PCDHGA6: variants seen among roughly 807,000 people sequenced by gnomAD.
PCDHGA6 encodes protocadherin gamma-A6.
In PCDHGA6, 41 loss-of-function variants were observed where a neutral mutation model predicts 60.6. That is an observed-to-expected ratio of 0.68 (90% confidence interval 0.53 to 0.88). PCDHGA6 has a LOEUF of 0.88. PCDHGA6 is among the 40% of genes least tolerant of loss of function. The probability of loss-of-function intolerance (pLI) is 0.00; values close to 1 mark genes in which losing one functional copy is unlikely to be tolerated. For synonymous variants in PCDHGA6, 594 were observed against 524.4 expected (o/e 1.13, Z -1.81); for missense variants, 1,312 against 1,203.0 (o/e 1.09, Z -1.34).
chr5:141,421,149 C>T (rs1030911066), intron 1 of PCDHGA6: 1 of 1,086,106 alleles, frequency 9.2e-7, no homozygotes, highest in Non-Finnish European at 1.3e-6. Context: ...ATGTAGTCGG[C>T]CTAGGACTTC....
At chr5:141,500,436 C>G (rs1318326111) in intron 2 of PCDHGA6, among the ~76,000 whole-genome samples, 2 of 151,836 alleles carry the variant, frequency 1.3e-5, no homozygotes, top group African/African-American at 2.4e-5. Flanking sequence ...GTCTCGATCT[C>G]CTGACCTCGT....
chr5:141,491,508 G>T lies in PCDHGA6; in HGVS notation c.2425-3299G>T. 1 of 1,614,030 alleles carries T rather than the reference G, an allele frequency of 6.2e-7. No homozygotes were observed. Among genetic ancestry groups the T allele is most frequent in the Non-Finnish European group, 8.5e-7 (1 of 1,180,014 alleles). ...ACCTGCAGGTGAGCTCGGACGGCACGCTCAAGTACATGGAGGTGACGCTGC... is the reference window on the plus strand; with the variant it reads ...ACCTGCAGGTGAGCTCGGACGGCACTCTCAAGTACATGGAGGTGACGCTGC... On this transcript the variant is annotated intron_variant, in intron 1 of 3. Transcript: ENST00000517434. The surrounding 1 kb of genome is among the most constrained non-coding windows in gnomAD (Gnocchi z 6.9).
chr5:141,429,583 T>A (rs2097226045), intron 1 of PCDHGA6, among the ~76,000 whole-genome samples: 2 of 152,218 alleles, frequency 1.3e-5, no homozygotes, highest in South Asian at 4.1e-4. Flanking sequence ...TTACTTTTGA[T>A]TCTTGTAATT....
At chr5:141,401,278 G>A (rs1355696847) in intron 1 of PCDHGA6, among the ~76,000 whole-genome samples, 4 of 152,160 alleles carry the variant, frequency 2.6e-5, no homozygotes, top group African/African-American at 9.7e-5. Context: ...GCAGGTGGAG[G>A]TTGCGGTGAG....
chr5:141,421,548 G>A, intron 1 of PCDHGA6: 19 of 1,613,984 alleles, frequency 1.2e-5, no homozygotes, highest in Non-Finnish European at 1.6e-5. Flanking sequence ...TTTTAAATAT[G>A]GAACTTCTCG....
Position 141,389,843 on chromosome 5 carries a change from G to C in PCDHGA6, c.2424+13336G>C, listed in dbSNP as rs372102656. On this transcript the variant is annotated intron_variant, in intron 1 of 3. Coordinates refer to ENST00000517434, the MANE Select transcript of PCDHGA6 (RefSeq NM_018919.3). The stretch of plus-strand genomic sequence containing the variant: ...GTGACGGTGGACAGCCACCACTCTC[G>C]GCCACTGCCACGTTGCACCTGGTCT... 2.4e-5 allele frequency: 39 copies of C among 1,614,016 alleles called. No homozygotes were observed. The African/African-American group carries it at 4.1e-4, about 17-fold the overall frequency.
intron 1 of PCDHGA6, chr5:141,478,712 G>A (rs1160573848): frequency 3.2e-6 from 5 of 1,547,048 alleles, no homozygotes; most frequent in Non-Finnish European, 4.4e-6. Flanking sequence ...TTTGTGAGAT[G>A]GTGGCCTGCC....
At chr5:141,460,453 A>T (rs1487816393) in intron 1 of PCDHGA6, among the ~76,000 whole-genome samples, 3 of 152,152 alleles carry the variant, frequency 2.0e-5, no homozygotes, top group Non-Finnish European at 4.4e-5. Flanking sequence ...ATGAAGATTC[A>T]TATTTTTTTC....
rs115568443 is a variant in PCDHGA6 at position 141,439,423 on chromosome 5, A to G, written c.2425-55384A>G. On this transcript the variant is annotated intron_variant, in intron 1 of 3. Coordinates refer to ENST00000517434, the MANE Select transcript of PCDHGA6 (RefSeq NM_018919.3). ...TGTGCTAACATCACTGAGGTTATAA[A>G]TTCCCAGGAATATTTTATTGCGGGA... 1.0e-2 allele frequency among the ~76,000 whole-genome samples: 1,522 copies of G among 152,306 alleles called. 34 individuals carry two copies. Among genetic ancestry groups the G allele is most frequent in the African/African-American group, 0.034 (1,425 of 41,558 alleles).
At chr5:141,429,925 A>G (rs1009987955) in intron 1 of PCDHGA6, among the ~76,000 whole-genome samples, 5 of 152,244 alleles carry the variant, frequency 3.3e-5, no homozygotes, top group African/African-American at 1.2e-4. Flanking sequence ...TATTAATAGA[A>G]TTCTGGAGTA....
In PCDHGA6 at chr5:141,376,234, G is replaced by A. The variant is rs1426358733; in HGVS notation, c.2151G>A (p.Gln717=). 5.6e-5 allele frequency: 91 copies of A among 1,614,096 alleles called. No individual in the cohort carries two copies. Among genetic ancestry groups the A allele is most frequent in the Non-Finnish European group, 7.5e-5 (88 of 1,180,048 alleles). Residue 717 remains glutamine, a synonymous_variant, in exon 1 of 4, where the codon CAG becomes CAA. Transcript: ENST00000517434. ...FVIVLLALRL[Q]RWHKSRLLQA... ...TCGTGCTGCTGGCGCTCAGACTGCA[G>A]CGCTGGCACAAGTCACGCCTGCTGC... is the stretch of plus-strand genomic sequence containing the variant.
chr5:141,395,646 C>T (rs1174950813), intron 1 of PCDHGA6: 2 of 167,832 alleles, frequency 1.2e-5, no homozygotes, highest in Non-Finnish European at 2.5e-5. Flanking sequence ...TTGTTATTAG[C>T]TTAGCAAAAG....
At chr5:141,426,826 T>C (rs2096963111) in intron 1 of PCDHGA6, 1 of 456,600 alleles carries the variant, frequency 2.2e-6, no homozygotes, top group Admixed American at 2.3e-5. Flanking sequence ...TCTCTGATGA[T>C]GGACAAGACT....
At chr5:141,414,668 A>C in intron 1 of PCDHGA6, 1 of 1,613,856 alleles carries the variant, frequency 6.2e-7, no homozygotes, top group East Asian at 2.2e-5. Context: ...CTGGCTGAAG[A>C]CACCATCCAG....
intron 3 of PCDHGA6, among the ~76,000 whole-genome samples, chr5:141,510,375 G>A (rs980966602): frequency 3.4e-5 from 5 of 148,132 alleles, no homozygotes; most frequent in East Asian, 2.0e-4. Context: ...ATCTCTACTC[G>A]TGCCAGGCCT....
intron 1 of PCDHGA6, chr5:141,399,619 G>T (rs749025661): frequency 1.2e-6 from 2 of 1,613,784 alleles, no homozygotes; most frequent in Non-Finnish European, 1.7e-6. Flanking sequence ...TCTGGCACTG[G>T]CCTCTTACGT....
chr5:141,492,460 G>T (rs2099740851), intron 1 of PCDHGA6, among the ~76,000 whole-genome samples: 1 of 152,218 alleles, frequency 6.6e-6, no homozygotes, highest in African/African-American at 2.4e-5. Flanking sequence ...GCGCGCCTGA[G>T]GGTCCCAGAT....
rs759220286 is a variant in PCDHGA6 at position 141,490,018 on chromosome 5, C to G, written c.2425-4789C>G. The G allele has an allele frequency of 6.2e-7, 1 of 1,614,252 alleles. No individual in the cohort carries two copies. Among genetic ancestry groups the G allele is most frequent in the Non-Finnish European group, 8.5e-7 (1 of 1,180,038 alleles). ...CCCAGAGAATGCACCCATTGGTACTCTGCTGCTCCGCCTCAATGCCACTGA... is the reference window on the plus strand; with the variant it reads ...CCCAGAGAATGCACCCATTGGTACTGTGCTGCTCCGCCTCAATGCCACTGA... On this transcript the variant is annotated intron_variant, in intron 1 of 3. Transcript: ENST00000517434. This position sits in a 1 kb window ranked among gnomAD's most constrained non-coding sequence, Gnocchi z 5.4.
chr5:141,374,304 T>C lies in PCDHGA6; in HGVS notation c.221T>C (p.Leu74Pro), dbSNP rs748378038. The change falls in exon 1 of 4, where the codon CTT (leucine) becomes CCT (proline). Residue 74 changes from leucine (L) to proline (P), a missense_variant. Leu to Pro is a moderately conservative substitution (Grantham distance 98). Coordinates refer to ENST00000517434, the MANE Select transcript of PCDHGA6 (RefSeq NM_018919.3). ...VRIVSRGRMQLFSLNPRNGSL... is the reference protein window; with the variant it reads ...VRIVSRGRMQPFSLNPRNGSL... ...ATCGTCTCCAGAGGTAGGATGCAGC[T>C]TTTCTCTCTGAATCCGCGAAACGGC... 3.7e-6 allele frequency: 6 copies of C among 1,613,950 alleles called. No homozygotes were observed. The highest frequency in any genetic ancestry group is 1.7e-4 in the Middle Eastern group (1 of 6,058).
Sources: allele counts gnomAD v4.1 joint callset (sites outside exome capture counted in the v4.1 genomes callset), GRCh38; gene constraint gnomAD v4.1.1; non-coding constraint Gnocchi (gnomAD v3.1); transcripts MANE v1.5; gene names NCBI Gene and HGNC (gene_info 2026-07-23, HGNC 2026-07-21).